PLXNA1: variants seen among roughly 807,000 people sequenced by gnomAD.
PLXNA1 encodes plexin A1.
Under a neutral mutation model 191.7 loss-of-function variants are expected in PLXNA1, and 77 were observed. The ratio of observed to expected loss-of-function variants is 0.40; its 90% CI spans 0.33 to 0.49. PLXNA1 has a LOEUF of 0.49. Among genes scored for constraint, PLXNA1 ranks in the 20% least tolerant of loss-of-function variants. The pLI is 0.63. For synonymous variants in PLXNA1, 1,137 were observed against 1,156.4 expected, an observed-to-expected ratio of 0.98 and a Z score of 0.34; for missense variants, 2,110 against 2,660.2, an observed-to-expected ratio of 0.79 and a Z score of 4.55.
chr3:126,995,274 T>C (rs1341301997), intron 3 of PLXNA1, among the ~76,000 whole-genome samples: 1 of 152,146 alleles, frequency 6.6e-6, no homozygotes, highest in Non-Finnish European at 1.5e-5. Flanking sequence ...GGTGCCTCTC[T>C]CAGCGAACTT....
At chr3:127,006,809 C>A (rs2079070824) in intron 8 of PLXNA1, among the ~76,000 whole-genome samples, 4 of 152,100 alleles carry the variant, frequency 2.6e-5, no homozygotes, top group Admixed American at 2.6e-4. Flanking sequence ...TGTGAGCACC[C>A]CCAGCCTCAG....
At chr3:127,003,307 G>C in intron 3 of PLXNA1, 23 bp from the exon 4 acceptor site, 1 of 1,576,666 alleles carries the variant, frequency 6.3e-7, no homozygotes, top group Non-Finnish European at 8.6e-7. Flanking sequence ...CACAGCTCCA[G>C]TTAGGGCCCC....
At chr3:127,012,718 T>C (rs1426479706) in intron 10 of PLXNA1, among the ~76,000 whole-genome samples, 1 of 152,246 alleles carries the variant, frequency 6.6e-6, no homozygotes, top group African/African-American at 2.4e-5. Flanking sequence ...ACAATAGTGT[T>C]TGAAAAGCTC....
intron 25 of PLXNA1, chr3:127,028,666 G>T (rs1028528712): frequency 1.2e-5 from 6 of 518,786 alleles, no homozygotes; most frequent in South Asian, 5.0e-5. Context: ...CGGGTTTGGG[G>T]TGGGGCCCGG....
In PLXNA1 at chr3:127,036,306, GC is replaced by G. The variant is rs1386501768; in HGVS notation, c.*2292del. The stretch of plus-strand genomic sequence containing the variant: ...CTCCTTAGGCCTTGTGCTCTGCTCT[GC>G]CCTGCCAGGCTGCCCTTGTCCATGT... On this transcript the variant is annotated 3_prime_UTR_variant, in exon 32 of 32. Transcript: ENST00000393409. The G allele has an allele frequency of 6.5e-6, 1 of 152,676 alleles. No homozygotes were observed. The highest frequency in any genetic ancestry group is 1.5e-5 in the Non-Finnish European group (1 of 68,168). 9.5% of individuals were successfully genotyped at this position (152,676 alleles called of 1,614,324 possible).
intron 15 of PLXNA1, among the ~76,000 whole-genome samples, chr3:127,016,025 G>GC (rs2079121688): frequency 6.6e-6 from 1 of 152,114 alleles, no homozygotes; most frequent in Non-Finnish European, 1.5e-5. Flanking sequence ...AGCACTCGGA[G>GC]CCCCGGCTGA....
chr3:127,012,259 C>A, intron 10 of PLXNA1, 101 bp downstream of exon 10: 1 of 1,154,714 alleles, frequency 8.7e-7, no homozygotes. Context: ...AAGGGCAGTG[C>A]ACGTGCTCAC....
intron 2 of PLXNA1, among the ~76,000 whole-genome samples, chr3:126,990,690 C>A (rs2107620957): frequency 6.6e-6 from 1 of 152,344 alleles, no homozygotes; most frequent in South Asian, 2.1e-4. Context: ...CAGAGTGGGA[C>A]TGCAAGGGCC....
At chr3:126,999,474 C>T (rs1488911816) in intron 3 of PLXNA1, among the ~76,000 whole-genome samples, 1 of 152,216 alleles carries the variant, frequency 6.6e-6, no homozygotes, top group Non-Finnish European at 1.5e-5. Flanking sequence ...ACTCCCCTTG[C>T]CAGGTCAGGG....
rs1357613852 is a variant in PLXNA1 at position 127,035,712 on chromosome 3, ACT to A, written c.*1696_*1697del. The A allele has an allele frequency of 1.3e-5, 2 of 152,488 alleles. No homozygotes were observed. The highest frequency in any genetic ancestry group is 4.8e-5 in the African/African-American group (2 of 41,430). 9.4% of individuals were successfully genotyped at this position (152,488 alleles called of 1,614,324 possible). On this transcript the variant is annotated 3_prime_UTR_variant, in exon 32 of 32. Coordinates refer to ENST00000393409, the MANE Select transcript of PLXNA1 (RefSeq NM_032242.4). The stretch of plus-strand genomic sequence containing the variant: ...TCCCATGGACATTAAGGGACAGCTA[ACT>A]GTGGCCAGACTCAGCCCCATGTCCT...
At chr3:127,006,404 G>A (rs2079069343) in intron 8 of PLXNA1, among the ~76,000 whole-genome samples, 1 of 152,230 alleles carries the variant, frequency 6.6e-6, no homozygotes, top group Admixed American at 6.5e-5. Flanking sequence ...AAGGCCATGA[G>A]TGCAGAGGGT....
At chr3:127,017,913 T>A (rs774141825) in intron 19 of PLXNA1, 21 bp downstream of exon 19, 5 of 1,610,024 alleles carry the variant, frequency 3.1e-6, no homozygotes, top group Non-Finnish European at 4.2e-6. Flanking sequence ...CCACCGGGGG[T>A]GCAGAGCTGG....
At chr3:127,025,596 C>A (rs894323539) in intron 23 of PLXNA1, among the ~76,000 whole-genome samples, 6 of 152,224 alleles carry the variant, frequency 3.9e-5, no homozygotes, top group African/African-American at 1.4e-4. Context: ...CCATTGAACA[C>A]CCACTCCTTG....
chr3:127,036,741 G>T lies in PLXNA1; in HGVS notation c.*2724G>T, dbSNP rs1448077589. ...CTCCCATGGGCCCTGTGTCTGCAGGGAGCCAGGGCTGCGGCACATGTGCTG... is the reference window on the plus strand; with the variant it reads ...CTCCCATGGGCCCTGTGTCTGCAGGTAGCCAGGGCTGCGGCACATGTGCTG... On this transcript the variant is annotated 3_prime_UTR_variant, in exon 32 of 32. Coordinates refer to ENST00000393409, the MANE Select transcript of PLXNA1 (RefSeq NM_032242.4). The T allele has an allele frequency of 6.6e-6, 1 of 152,234 alleles. No homozygotes were observed. The allele number at this position is 152,234 out of a possible 1,614,324, so 9.4% of individuals were successfully genotyped here.
Position 127,028,301 on chromosome 3 carries a change from C to T in PLXNA1, c.4630C>T (p.Pro1544Ser). The change falls in exon 25 of 32, where the codon CCC becomes TCC. Residue 1544 changes from proline to serine, a missense_variant. Transcript: ENST00000393409. ...GCTGGACGCTGCCTACAAGGGCGTG[C>T]CCTACTCCCAGCGGCCCAAGGCCGC... ...KLLDAAYKGV[P>S]YSQRPKAADM... The T allele has an allele frequency of 1.2e-6, 2 of 1,612,554 alleles. No individual in the cohort carries two copies. Among genetic ancestry groups the T allele is most frequent in the Non-Finnish European group, 1.7e-6 (2 of 1,179,946 alleles).
rs2079229006 is a variant in PLXNA1 at position 127,034,412 on chromosome 3, G to C, written c.*395G>C. On this transcript the variant is annotated 3_prime_UTR_variant, in exon 32 of 32. Transcript: ENST00000393409. ...GCTTGGGCTGTCCCCTTGAGACCAG[G>C]ACAAGAGGCTGGGGGTGTCAGCATT... 5.9e-6 allele frequency: 1 copy of C among 170,274 alleles called. No individual in the cohort carries two copies. 10.5% of individuals were successfully genotyped at this position (170,274 alleles called of 1,614,324 possible). A position where few individuals can be genotyped will look rare whatever the true frequency, so the allele number is the denominator to read the frequency against.
chr3:127,017,518 G>A lies in PLXNA1; in HGVS notation c.3370G>A (p.Asp1124Asn), dbSNP rs764254170. 2.5e-6 allele frequency: 4 copies of A among 1,613,630 alleles called. No homozygotes were observed. The East Asian group carries it at 8.9e-5, about 36-fold the overall frequency. The change falls in exon 18 of 32, where the codon GAT becomes AAT. Residue 1124 changes from aspartate to asparagine, a missense_variant. Physicochemically the swap from Asp to Asn is conservative, Grantham distance 23. Around this residue, in one of 4 missense-constraint regions of PLXNA1, gnomAD observed 644 missense variants for 714.3 expected, o/e 0.90. Transcript: ENST00000393409. ...RSPPELGERPDELGFVMDNVR... is the reference protein window; with the variant it reads ...RSPPELGERPNELGFVMDNVR... ...CCCACCAGAGCTGGGGGAGCGGCCG[G>A]ATGAGCTGGGCTTCGTCATGGACAA...
chr3:127,013,368 A>G (rs1011353734), intron 10 of PLXNA1, among the ~76,000 whole-genome samples: 1 of 152,132 alleles, frequency 6.6e-6, no homozygotes, highest in Non-Finnish European at 1.5e-5. Context: ...CAGATAAAAT[A>G]ATGATGAATT....
At chr3:127,033,807 C>A in intron 31 of PLXNA1, 115 bp from the exon 32 acceptor site, 1 of 842,166 alleles carries the variant, frequency 1.2e-6, no homozygotes, top group Non-Finnish European at 1.9e-6. Flanking sequence ...GGTCCTTTGG[C>A]CAGGGGTAGA....
Sources: gnomAD v4.1 joint callset for allele counts (sites outside exome capture counted in the v4.1 genomes callset) on GRCh38, gnomAD v4.1.1 for gene constraint, gnomAD v4.1.1 regional missense constraint, MANE v1.5 for transcripts, NCBI Gene and HGNC (gene_info 2026-07-23, HGNC 2026-07-21) for gene names.